Variants in RBM20 observed in about 807,000 individuals in gnomAD.
RBM20 encodes the protein RNA binding motif protein 20.
In RBM20, 51 loss-of-function variants were observed where a neutral mutation model predicts 110.1. The observed-to-expected ratio is 0.46, with a 90% CI of 0.37 to 0.59. The LOEUF is 0.59. Among genes scored for constraint, RBM20 ranks in the 20% least tolerant of loss-of-function variants. The pLI is 0.00. For synonymous variants in RBM20, 589 were observed against 618.2 expected (o/e 0.95, Z 0.70); for missense variants, 1,512 against 1,574.9 (o/e 0.96, Z 0.68).
rs1043106270 is a variant in RBM20, at chr10:110,821,454, A to T, written c.2835A>T (p.Thr945=). 6.4e-7 allele frequency: 1 copy of T among 1,551,794 alleles called. No homozygotes were observed. The change falls in exon 11 of 14, where the codon ACA becomes ACT. Residue 945 remains threonine, a synonymous_variant. Coordinates refer to ENST00000369519, the MANE Select transcript of RBM20 (RefSeq NM_001134363.3). ...IDQKDKICPE[T]CLCVTTTLDL... ...AGAAAGACAAAATTTGCCCAGAAAC[A>T]TGTCTGTGTGTGACAACCACCTTAG...
At chr10:110,789,533 C>G (rs373927598) in intron 5 of RBM20, among the ~76,000 whole-genome samples, 36 of 151,786 alleles carry the variant, frequency 2.4e-4, no homozygotes, top group African/African-American at 7.7e-4. Context: ...TCATGGCTTA[C>G]TGTAATCTCC....
intron 1 of RBM20, among the ~76,000 whole-genome samples, chr10:110,777,391 T>C (rs1296054565): frequency 6.6e-6 from 1 of 152,228 alleles, no homozygotes; most frequent in Non-Finnish European, 1.5e-5. Context: ...TTATTAACTA[T>C]TGCAGGCTAA....
At chr10:110,694,013 A>C (rs1862626265) in intron 1 of RBM20, among the ~76,000 whole-genome samples, 1 of 152,246 alleles carries the variant, frequency 6.6e-6, no homozygotes, top group Admixed American at 6.5e-5. Flanking sequence ...ACACTGGGTC[A>C]GAGAGAGCTA....
chr10:110,665,591 ATTC>A (rs202135126), intron 1 of RBM20, among the ~76,000 whole-genome samples: 2,006 of 152,312 alleles, frequency 0.013, 46 homozygotes, highest in African/African-American at 0.046. Flanking sequence ...GTAGTATATA[ATTC>A]TTGTTTGGGT....
intron 1 of RBM20, among the ~76,000 whole-genome samples, chr10:110,651,795 G>T (rs539979054): frequency 6.6e-6 from 1 of 152,208 alleles, no homozygotes; most frequent in Non-Finnish European, 1.5e-5. Context: ...TGGGCCTCAT[G>T]CTTCCGTGTA....
At chr10:110,689,559 C>T (rs1456161515) in intron 1 of RBM20, among the ~76,000 whole-genome samples, 1 of 152,178 alleles carries the variant, frequency 6.6e-6, no homozygotes, top group Non-Finnish European at 1.5e-5. Flanking sequence ...TTTACAGTTC[C>T]ATCATGTATA....
chr10:110,819,104 A>G (rs1472794184), intron 9 of RBM20, among the ~76,000 whole-genome samples: 1 of 152,200 alleles, frequency 6.6e-6, no homozygotes, highest in Admixed American at 6.5e-5. Flanking sequence ...CTTAGAACCA[A>G]CCTCAGCCAA....
At chr10:110,830,283 A>C (rs193015520) in intron 12 of RBM20, among the ~76,000 whole-genome samples, 1 of 152,322 alleles carries the variant, frequency 6.6e-6, no homozygotes, top group Admixed American at 6.5e-5. Context: ...CCTGGCTGTG[A>C]CATTGTCACT....
intron 12 of RBM20, among the ~76,000 whole-genome samples, chr10:110,830,015 G>C (rs1472977369): frequency 6.6e-6 from 1 of 152,200 alleles, no homozygotes; most frequent in Non-Finnish European, 1.5e-5. Flanking sequence ...CCTGCCCTTT[G>C]GCTGGCGCTG....
chr10:110,820,256 G>A, intron 10 of RBM20, 80 bp downstream of exon 10: 3 of 932,142 alleles, frequency 3.2e-6, no homozygotes, highest in Non-Finnish European at 5.1e-6. Context: ...GTGATGTCCT[G>A]CTGGATGGAA....
chr10:110,680,394 G>A (rs1038290867), intron 1 of RBM20, among the ~76,000 whole-genome samples: 4 of 152,174 alleles, frequency 2.6e-5, no homozygotes, highest in Non-Finnish European at 5.9e-5. Flanking sequence ...GATGGCACTG[G>A]CCACTGCCTG....
chr10:110,666,916 G>A (rs1319860070), intron 1 of RBM20, among the ~76,000 whole-genome samples: 3 of 152,158 alleles, frequency 2.0e-5, no homozygotes, highest in East Asian at 1.9e-4. Context: ...CTTTGAGGGC[G>A]GGAAATTTAT....
At chr10:110,789,930 C>T (rs569025295) in intron 5 of RBM20, among the ~76,000 whole-genome samples, 1 of 152,260 alleles carries the variant, frequency 6.6e-6, no homozygotes, top group Non-Finnish European at 1.5e-5. Context: ...TGTACCTGCC[C>T]GAGGTGCACT....
intron 1 of RBM20, among the ~76,000 whole-genome samples, chr10:110,678,990 G>A (rs146198588): frequency 2.2e-4 from 33 of 152,238 alleles, no homozygotes; most frequent in South Asian, 1.0e-3. Context: ...GCAGGTTCTC[G>A]GTTCAAATCC....
chr10:110,762,887 C>T (rs1844025237), intron 1 of RBM20, among the ~76,000 whole-genome samples: 1 of 152,192 alleles, frequency 6.6e-6, no homozygotes. Flanking sequence ...AAGGGCCAAA[C>T]CTGCTGATTG....
chr10:110,729,007 A>T (rs903706695), intron 1 of RBM20, among the ~76,000 whole-genome samples: 4 of 152,222 alleles, frequency 2.6e-5, no homozygotes, highest in Non-Finnish European at 5.9e-5. Flanking sequence ...TGTCAGAATC[A>T]TGTGAACTGA....
Position 110,833,403 on chromosome 10 carries a change from A to AAAAAAAAAG in RBM20, c.3573+2224_3573+2225insAAAAAGAAA, listed in dbSNP as rs1845082570. Among the ~76,000 whole-genome samples the AAAAAAAAAG allele has an allele frequency of 3.3e-5, 5 of 149,818 alleles. No individual in the cohort carries two copies. In the South Asian group the frequency reaches 1.1e-3, roughly 32 times the overall value. On this transcript the variant is annotated intron_variant, in intron 13 of 13. Transcript: ENST00000369519. ...AACTCTGTCTCAGAAAAAAAAAAAA[A>AAAAAAAAAG]AAAGAAATGCAGCTTCCTGGCTCTC...
intron 1 of RBM20, among the ~76,000 whole-genome samples, chr10:110,710,033 G>C (rs184567620): frequency 6.6e-6 from 1 of 152,104 alleles, no homozygotes; most frequent in African/African-American, 2.4e-5. Flanking sequence ...TCACATCAGC[G>C]TTCTGTTTTA....
chr10:110,665,346 T>C (rs1201722145), intron 1 of RBM20, among the ~76,000 whole-genome samples: 4 of 152,296 alleles, frequency 2.6e-5, no homozygotes, highest in African/African-American at 9.6e-5. Context: ...CTGATAATAT[T>C]CAAACCCACT....
Sources: allele counts gnomAD v4.1 joint callset (sites outside exome capture counted in the v4.1 genomes callset), GRCh38; gene constraint gnomAD v4.1.1; transcripts MANE v1.5; gene names NCBI Gene and HGNC (gene_info 2026-07-23, HGNC 2026-07-21).